Variants in ANKIB1 observed in about 807,000 individuals in gnomAD.
The protein encoded by ANKIB1 is ankyrin repeat and IBR domain-containing protein 1.
In ANKIB1, 43 loss-of-function variants were observed where a neutral mutation model predicts 122.1. That is an observed-to-expected ratio of 0.35 (90% CI 0.28 to 0.45). ANKIB1 has a LOEUF of 0.45. ANKIB1 is among the 20% of genes least tolerant of loss of function. The probability of loss-of-function intolerance (pLI) is 1.00; values close to 1 mark genes in which losing one functional copy is unlikely to be tolerated. For missense variants in ANKIB1, 992 were observed against 1,329.5 expected (o/e 0.75, Z 3.95); for synonymous variants, 390 against 442.0 (o/e 0.88, Z 1.48).
At chr7:92,297,110 C>T (rs1276439579) in intron 2 of ANKIB1, among the ~76,000 whole-genome samples, 3 of 152,134 alleles carry the variant, frequency 2.0e-5, no homozygotes, top group African/African-American at 7.2e-5. Context: ...GCTGTACATG[C>T]ATTATCTGAA....
At chr7:92,397,987 G>A in intron 19 of ANKIB1, 128 bp downstream of exon 19, 1 of 1,337,714 alleles carries the variant, frequency 7.5e-7, no homozygotes, top group Non-Finnish European at 1.0e-6. Flanking sequence ...TTAAAGATGT[G>A]CTGCAGGAAA....
chr7:92,300,979 T>G (rs1162587732), intron 2 of ANKIB1, among the ~76,000 whole-genome samples: 1 of 152,176 alleles, frequency 6.6e-6, no homozygotes, highest in Non-Finnish European at 1.5e-5. Context: ...GCACTGAACT[T>G]AGCAAAATAT....
intron 9 of ANKIB1, among the ~76,000 whole-genome samples, chr7:92,355,331 C>T (rs1803776151): frequency 6.6e-6 from 1 of 152,086 alleles, no homozygotes; most frequent in East Asian, 1.9e-4. Flanking sequence ...CAAAGTGTCT[C>T]TCTTCTCTGA....
intron 7 of ANKIB1, among the ~76,000 whole-genome samples, chr7:92,346,916 G>C (rs1376582915): frequency 6.6e-6 from 1 of 152,132 alleles, no homozygotes; most frequent in East Asian, 1.9e-4. Context: ...GGTTTCCTTA[G>C]TACCTTCTAG....
intron 3 of ANKIB1, among the ~76,000 whole-genome samples, chr7:92,309,942 A>AAT (rs1162113763): frequency 0.01 from 962 of 91,664 alleles, 31 homozygotes; most frequent in African/African-American, 0.021. Flanking sequence ...AAAAAAAAAA[A>AAT]ATATATATAT....
chr7:92,339,756 C>T (rs765651807), intron 5 of ANKIB1, among the ~76,000 whole-genome samples: 9 of 152,060 alleles, frequency 5.9e-5, no homozygotes, highest in South Asian at 2.1e-4. Flanking sequence ...AATGTGTATA[C>T]GCTGAGTTTT....
intron 11 of ANKIB1, among the ~76,000 whole-genome samples, chr7:92,378,902 C>T (rs191733928): frequency 1.2e-4 from 18 of 152,236 alleles, no homozygotes; most frequent in East Asian, 9.6e-4. Context: ...AGTCAACAAC[C>T]TTCATGTGTA....
intron 10 of ANKIB1, 121 bp downstream of exon 10, chr7:92,362,394 C>A: frequency 1.2e-6 from 1 of 839,258 alleles, no homozygotes; most frequent in Non-Finnish European, 1.9e-6. Context: ...CAAGTGCTCT[C>A]CTGTTTAACA....
At chr7:92,350,761 G>A (rs1803644994) in intron 7 of ANKIB1, among the ~76,000 whole-genome samples, 189 bp from the exon 8 acceptor site, 1 of 152,082 alleles carries the variant, frequency 6.6e-6, no homozygotes, top group Non-Finnish European at 1.5e-5. Flanking sequence ...GAAGACCGAG[G>A]TGAGAGGATT....
intron 1 of ANKIB1, among the ~76,000 whole-genome samples, chr7:92,291,391 A>T (rs1388309381): frequency 1.3e-5 from 2 of 152,108 alleles, no homozygotes; most frequent in African/African-American, 4.8e-5. Flanking sequence ...ATTATTATGC[A>T]TTGCATGCCT....
intron 11 of ANKIB1, among the ~76,000 whole-genome samples, chr7:92,375,755 A>G (rs1201504987): frequency 6.6e-6 from 1 of 152,220 alleles, no homozygotes; most frequent in Non-Finnish European, 1.5e-5. Flanking sequence ...TAGAATGGTG[A>G]ATCCTTTCCA....
At chr7:92,350,856 C>CT in intron 7 of ANKIB1, 94 bp from the exon 8 acceptor site, 7 of 1,236,840 alleles carry the variant, frequency 5.7e-6, no homozygotes, top group Non-Finnish European at 6.6e-6. Context: ...GACCCTGTCT[C>CT]TAAAAAAAAA....
intron 1 of ANKIB1, among the ~76,000 whole-genome samples, chr7:92,276,711 T>A (rs917784938): frequency 2.0e-5 from 3 of 152,268 alleles, no homozygotes; most frequent in African/African-American, 7.2e-5. Context: ...CGTTTTTATC[T>A]GGCCTGAAGA....
intron 4 of ANKIB1, among the ~76,000 whole-genome samples, chr7:92,321,301 T>C (rs1314202318): frequency 6.6e-6 from 1 of 152,190 alleles, no homozygotes; most frequent in African/African-American, 2.4e-5. Flanking sequence ...AAATATACAA[T>C]ACATTATTAT....
At chr7:92,308,349 A>C (rs532960897) in intron 3 of ANKIB1, among the ~76,000 whole-genome samples, 59 of 152,260 alleles carry the variant, frequency 3.9e-4, no homozygotes, top group African/African-American at 1.4e-3. Flanking sequence ...TAGTAGAGAT[A>C]TATTCTGCTT....
At position 92,388,931 on chromosome 7, in the gene ANKIB1, T is replaced by C. The variant is rs143724079; in HGVS notation, c.1906+890T>C. On this transcript the variant is annotated intron_variant, in intron 14 of 19. Transcript: ENST00000265742. ...AACTATATTAGGCAATATCAAACTC[T>C]TGAAGTATTGTCCACAGTATAAATT... Among the ~76,000 whole-genome samples the C allele has an allele frequency of 1.5e-3, 233 of 152,316 alleles. 4 individuals are homozygous for C. In the East Asian group the frequency reaches 0.036, roughly 23 times the overall value.
Position 92,390,105 on chromosome 7 carries a change from G to T in ANKIB1, c.2041G>T (p.Glu681Ter). 6.4e-7 allele frequency: 1 copy of T among 1,572,716 alleles called. No individual in the cohort carries two copies. Residue 681 changes from glutamate to a stop codon, truncating the protein, a stop_gained, in exon 15 of 20, where the codon GAA becomes TAA. Coordinates refer to ENST00000265742, the MANE Select transcript of ANKIB1 (RefSeq NM_019004.2). LOFTEE classifies it high-confidence loss of function. ...TAAAAGCACAAAGAAAGAAATTTTT[G>T]AACTAATGCAAGTAAGATTTTTTTA... is the stretch of plus-strand genomic sequence containing the variant. Reference protein sequence around the residue: ...EPKSTKKEIFELMQTDLEMVT... With the variant: ...EPKSTKKEIF
intron 1 of ANKIB1, among the ~76,000 whole-genome samples, chr7:92,264,409 A>T (rs532400791): frequency 3.8e-3 from 569 of 150,170 alleles, no homozygotes; most frequent in East Asian, 0.015. Context: ...TTTTTTTTTT[A>T]AATTTTGAGA....
At chr7:92,393,056 A>C (rs1804819521) in intron 17 of ANKIB1, among the ~76,000 whole-genome samples, 1 of 152,114 alleles carries the variant, frequency 6.6e-6, no homozygotes, top group Non-Finnish European at 1.5e-5. Flanking sequence ...ATAATATGAT[A>C]ACCCTTCAAC....
Sources: gnomAD v4.1 joint callset for allele counts (sites outside exome capture counted in the v4.1 genomes callset) on GRCh38, gnomAD v4.1.1 for gene constraint, MANE v1.5 for transcripts, NCBI Gene and HGNC (gene_info 2026-07-23, HGNC 2026-07-21) for gene names.